RIT2: variants seen among roughly 807,000 people sequenced by gnomAD.
RIT2 encodes GTP-binding protein Rit2.
RIT2 carries 24 observed loss-of-function variants against 23.7 expected under a neutral mutation model. The ratio of observed to expected loss-of-function variants is 1.01; its 90% confidence interval spans 0.73 to 1.43. The LOEUF is 1.43. Ranked by LOEUF, RIT2 falls within the 40% of genes most tolerant of loss-of-function variation. RIT2 has a pLI of 0.00. For missense variants in RIT2, 236 were observed against 266.9 expected, an observed-to-expected ratio of 0.88 and a Z score of 0.81; for synonymous variants, 107 against 91.1, an observed-to-expected ratio of 1.17 and a Z score of -0.99.
At chr18:43,114,565 A>G (rs1914024788) in intron 1 of RIT2, among the ~76,000 whole-genome samples, 1 of 152,120 alleles carries the variant, frequency 6.6e-6, no homozygotes, top group Non-Finnish European at 1.5e-5. Context: ...GGAGATATTT[A>G]ATATTTATAT....
intron 4 of RIT2, among the ~76,000 whole-genome samples, chr18:42,857,334 C>CT (rs1366642735): frequency 1.3e-5 from 2 of 152,174 alleles, no homozygotes; most frequent in Non-Finnish European, 2.9e-5. Context: ...TCATCTAACT[C>CT]TTTTTTCTCT....
rs199841707 is a variant in RIT2, at chr18:42,757,999, CT to C, written c.427-14280del. On this transcript the variant is annotated intron_variant, in intron 4 of 4. Transcript: ENST00000326695. ...GATACCTCTATCTGGGCTGAATAAC[CT>C]TTTTTTTTTTTAATCTATTTCAATC... 4.3e-3 allele frequency among the ~76,000 whole-genome samples: 619 copies of C among 144,902 alleles called. 4 individuals carry two copies. Among genetic ancestry groups the C allele is most frequent in the African/African-American group, 0.01 (401 of 39,868 alleles).
At chr18:43,048,010 C>T (rs1912289345) in intron 1 of RIT2, among the ~76,000 whole-genome samples, 1 of 152,112 alleles carries the variant, frequency 6.6e-6, no homozygotes, top group Admixed American at 6.6e-5. Flanking sequence ...TGTGGGCTGA[C>T]TCAGGGATAA....
intron 3 of RIT2, among the ~76,000 whole-genome samples, chr18:42,965,711 CTTTTTTTTTTTTTTTTTTTTTTT>C (rs58344278): frequency 2.6e-5 from 1 of 37,770 alleles, no homozygotes; most frequent in Non-Finnish European, 5.3e-5. Flanking sequence ...GTACTGATGG[CTTTTTTTTTTTTTTTTTTTTTTT>C]TTTTTTTTTT....
chr18:42,942,118 G>C (rs1464024911), intron 3 of RIT2, among the ~76,000 whole-genome samples: 1 of 151,560 alleles, frequency 6.6e-6, no homozygotes, highest in Non-Finnish European at 1.5e-5. Context: ...AAAAAAAACA[G>C]TGAATATGTC....
chr18:42,920,129 A>C (rs1285741236), intron 4 of RIT2, among the ~76,000 whole-genome samples: 2 of 152,024 alleles, frequency 1.3e-5, no homozygotes, highest in East Asian at 1.9e-4. Flanking sequence ...CCCACTCCAA[A>C]CCCAAAGAAT....
chr18:42,942,395 A>G (rs549474580), intron 3 of RIT2, among the ~76,000 whole-genome samples: 1 of 152,274 alleles, frequency 6.6e-6, no homozygotes, highest in African/African-American at 2.4e-5. Flanking sequence ...GGAGTCCAGT[A>G]TCTTGCCTCC....
chr18:42,817,823 A>G (rs1906040743), intron 4 of RIT2, among the ~76,000 whole-genome samples: 1 of 152,122 alleles, frequency 6.6e-6, no homozygotes, highest in Non-Finnish European at 1.5e-5. Context: ...TGTTGTTAAA[A>G]TAAGTGATAA....
At position 42,770,327 on chromosome 18, in the gene RIT2, G is replaced by C. The variant is rs117378097; in HGVS notation, c.427-26607C>G. Reference sequence around the variant, plus strand: ...GACCTAGAGGCATAGCTTCCTATCTGAGTAGAACATAACAATCCTCATGTG... The same window carrying C: ...GACCTAGAGGCATAGCTTCCTATCTCAGTAGAACATAACAATCCTCATGTG... On this transcript the variant is annotated intron_variant, in intron 4 of 4. Coordinates refer to ENST00000326695, the MANE Select transcript of RIT2 (RefSeq NM_002930.4). Among the ~76,000 whole-genome samples the C allele has an allele frequency of 4.5e-3, 688 of 152,306 alleles. 7 individuals are homozygous for C. The highest frequency in any genetic ancestry group is 0.014 in the Middle Eastern group (4 of 294).
At chr18:42,891,289 T>C (rs1908167811) in intron 4 of RIT2, among the ~76,000 whole-genome samples, 1 of 152,182 alleles carries the variant, frequency 6.6e-6, no homozygotes, top group Non-Finnish European at 1.5e-5. Context: ...CATCTAGATA[T>C]TCACATTCTT....
At chr18:43,063,537 G>A (rs765697416) in intron 1 of RIT2, among the ~76,000 whole-genome samples, 7 of 152,140 alleles carry the variant, frequency 4.6e-5, no homozygotes, top group South Asian at 4.2e-4. Context: ...TTAATTTTAC[G>A]TTTATTGGAG....
intron 4 of RIT2, among the ~76,000 whole-genome samples, chr18:42,833,857 A>C (rs1400082147): frequency 6.6e-6 from 1 of 152,128 alleles, no homozygotes; most frequent in Non-Finnish European, 1.5e-5. Flanking sequence ...AAAATAAAAT[A>C]AAAACACAGT....
intron 4 of RIT2, among the ~76,000 whole-genome samples, chr18:42,880,128 C>T (rs891769221): frequency 6.6e-6 from 1 of 152,006 alleles, no homozygotes; most frequent in African/African-American, 2.4e-5. Context: ...TCTTTTTGTA[C>T]CTGGGAGAGG....
At chr18:42,873,069 G>A (rs1907659979) in intron 4 of RIT2, among the ~76,000 whole-genome samples, 1 of 152,140 alleles carries the variant, frequency 6.6e-6, no homozygotes, top group African/African-American at 2.4e-5. Context: ...GGGCTTAGCT[G>A]TCCTAACCTA....
At chr18:43,081,939 G>A (rs574245633) in intron 1 of RIT2, among the ~76,000 whole-genome samples, 2 of 151,824 alleles carry the variant, frequency 1.3e-5, no homozygotes, top group African/African-American at 4.8e-5. Context: ...AACATCCTCT[G>A]AGTAACTGTT....
intron 2 of RIT2, among the ~76,000 whole-genome samples, chr18:43,001,743 C>A (rs1040950704): frequency 6.6e-6 from 1 of 151,954 alleles, no homozygotes; most frequent in Non-Finnish European, 1.5e-5. Context: ...TTTCTCTTTA[C>A]GTTATTAACC....
At chr18:42,993,488 AG>A (rs1910903702) in intron 2 of RIT2, among the ~76,000 whole-genome samples, 2 of 152,112 alleles carry the variant, frequency 1.3e-5, no homozygotes. Flanking sequence ...CTTCTTTTCA[AG>A]GGCCTGTTTC....
intron 4 of RIT2, among the ~76,000 whole-genome samples, chr18:42,746,048 C>T (rs1025305552): frequency 2.0e-5 from 3 of 152,082 alleles, no homozygotes; most frequent in African/African-American, 7.2e-5. Context: ...CTGCTCCAGG[C>T]TGTCAGGTGG....
At chr18:42,896,673 A>C (rs1465034315) in intron 4 of RIT2, among the ~76,000 whole-genome samples, 2 of 152,340 alleles carry the variant, frequency 1.3e-5, no homozygotes, top group Non-Finnish European at 2.9e-5. Context: ...TTTTTAATCT[A>C]TTGTGATAAG....
Sources: gnomAD v4.1 joint callset for allele counts (sites outside exome capture counted in the v4.1 genomes callset) on GRCh38, gnomAD v4.1.1 for gene constraint, MANE v1.5 for transcripts, NCBI Gene and HGNC (gene_info 2026-07-23, HGNC 2026-07-21) for gene names.